Variants in FBXL7 observed in about 807,000 individuals in gnomAD.
FBXL7 encodes F-box/LRR-repeat protein 7.
A neutral mutation model predicts 38.3 loss-of-function variants in FBXL7; 12 were observed. That is an observed-to-expected ratio of 0.31 (90% CI 0.20 to 0.51). The LOEUF is 0.51. FBXL7 is among the 20% of genes least tolerant of loss of function. The pLI, the probability that FBXL7 is intolerant of heterozygous loss-of-function variation, is 0.98. For missense variants in FBXL7, 567 were observed against 676.4 expected, an observed-to-expected ratio of 0.84 and a Z score of 1.79; for synonymous variants, 297 against 300.9, an observed-to-expected ratio of 0.99 and a Z score of 0.13.
intron 2 of FBXL7, among the ~76,000 whole-genome samples, chr5:15,796,239 T>C (rs115242118): frequency 0.018 from 2,682 of 152,288 alleles, 73 homozygotes; most frequent in African/African-American, 0.06. Context: ...GAAAGACCCA[T>C]TGGACTCAGC....
intron 2 of FBXL7, among the ~76,000 whole-genome samples, chr5:15,826,917 G>A (rs544853218): frequency 8.0e-5 from 12 of 150,362 alleles, no homozygotes; most frequent in African/African-American, 2.7e-4. Flanking sequence ...GGCTGTACCT[G>A]TGGCTTTTTT....
intron 3 of FBXL7, among the ~76,000 whole-genome samples, chr5:15,935,646 G>T (rs541055234): frequency 3.6e-4 from 55 of 152,292 alleles, no homozygotes; most frequent in Non-Finnish European, 7.2e-4. Context: ...TTGTTCAAGG[G>T]CTACAGCAAC....
At chr5:15,660,394 TTG>T (rs1022442176) in intron 2 of FBXL7, among the ~76,000 whole-genome samples, 1 of 152,256 alleles carries the variant, frequency 6.6e-6, no homozygotes, top group Non-Finnish European at 1.5e-5. Context: ...TTCGCTCTTG[TTG>T]CCCAGGCTGG....
chr5:15,783,577 G>A (rs1737056054), intron 2 of FBXL7, among the ~76,000 whole-genome samples: 1 of 152,088 alleles, frequency 6.6e-6, no homozygotes, highest in African/African-American at 2.4e-5. Context: ...AGAATAGGAG[G>A]TCAGAAGGAG....
intron 2 of FBXL7, among the ~76,000 whole-genome samples, chr5:15,650,217 A>G (rs935770569): frequency 8.5e-5 from 13 of 152,250 alleles, no homozygotes; most frequent in African/African-American, 2.9e-4. Context: ...CCAGACCACC[A>G]CAATAAAGCA....
intron 2 of FBXL7, among the ~76,000 whole-genome samples, chr5:15,888,182 C>A (rs564296546): frequency 2.3e-4 from 35 of 151,838 alleles, no homozygotes; most frequent in African/African-American, 8.2e-4. Flanking sequence ...GTTATGATCC[C>A]TTTGTAAACA....
At chr5:15,887,921 C>G (rs1579572533) in intron 2 of FBXL7, among the ~76,000 whole-genome samples, 1 of 152,214 alleles carries the variant, frequency 6.6e-6, no homozygotes, top group Non-Finnish European at 1.5e-5. Context: ...CATGTTCTCT[C>G]TCTCAGCATA....
intron 1 of FBXL7, among the ~76,000 whole-genome samples, chr5:15,509,759 C>G (rs1391363524): frequency 6.6e-6 from 1 of 152,136 alleles, no homozygotes; most frequent in Non-Finnish European, 1.5e-5. Context: ...GAAGGTGATT[C>G]CTGTGGGTTC....
At chr5:15,829,220 T>C (rs548295046) in intron 2 of FBXL7, among the ~76,000 whole-genome samples, 1 of 152,328 alleles carries the variant, frequency 6.6e-6, no homozygotes, top group Admixed American at 6.5e-5. Flanking sequence ...AGTCTTCATT[T>C]TTATCCTTGT....
chr5:15,888,196 C>CTTTATTTATTTA (rs3034529), intron 2 of FBXL7, among the ~76,000 whole-genome samples: 48 of 145,398 alleles, frequency 3.3e-4, no homozygotes, highest in African/African-American at 7.7e-4. Context: ...GTAAACACCA[C>CTTTATTTATTTA]TTTATTTATT....
At chr5:15,790,688 C>T (rs974193845) in intron 2 of FBXL7, among the ~76,000 whole-genome samples, 4 of 152,116 alleles carry the variant, frequency 2.6e-5, no homozygotes, top group African/African-American at 9.7e-5. Flanking sequence ...CTGTAATGCA[C>T]CTGATGTTTA....
chr5:15,595,889 A>C (rs541204135), intron 1 of FBXL7, among the ~76,000 whole-genome samples: 1 of 152,288 alleles, frequency 6.6e-6, no homozygotes, highest in Admixed American at 6.5e-5. Flanking sequence ...TCCTTACCTT[A>C]GTTTCTTCAT....
chr5:15,804,112 T>C (rs1348683478), intron 2 of FBXL7, among the ~76,000 whole-genome samples: 3 of 152,214 alleles, frequency 2.0e-5, no homozygotes, highest in African/African-American at 7.2e-5. Flanking sequence ...TATTTGTTAA[T>C]TCCAGGATAT....
intron 2 of FBXL7, among the ~76,000 whole-genome samples, chr5:15,860,457 A>C (rs1215618326): frequency 6.6e-6 from 1 of 152,184 alleles, no homozygotes; most frequent in Non-Finnish European, 1.5e-5. Context: ...CCAATAAGGA[A>C]TTCTGATCCA....
Position 15,928,333 on chromosome 5 carries a change from G to GT in FBXL7, c.572dup (p.Thr192AsnfsTer41). 6.2e-7 allele frequency: 1 copy of GT among 1,613,912 alleles called. No homozygotes were observed. The highest frequency in any genetic ancestry group is 8.5e-7 in the Non-Finnish European group (1 of 1,179,826). On this transcript the variant is annotated frameshift_variant, in exon 3 of 4. Transcript: ENST00000504595. LOFTEE classifies it high-confidence loss of function. The surrounding 1 kb of genome is among the most constrained non-coding windows in gnomAD (Gnocchi z 4.0). ...CAACGTGTGTCTCATGCTGGAAACC[G>GT]TAACTGTCAGTGGCTGCAGGCGGCT...
At chr5:15,801,281 T>C (rs1042587597) in intron 2 of FBXL7, among the ~76,000 whole-genome samples, 6 of 152,158 alleles carry the variant, frequency 3.9e-5, no homozygotes, top group Non-Finnish European at 7.3e-5. Context: ...AAGGGATTCA[T>C]TGGGGCATTG....
intron 2 of FBXL7, among the ~76,000 whole-genome samples, chr5:15,739,598 T>C (rs1165156928): frequency 6.6e-6 from 1 of 152,334 alleles, no homozygotes; most frequent in African/African-American, 2.4e-5. Flanking sequence ...TTTTTGTCTC[T>C]GTAGATTTGC....
chr5:15,680,093 C>T (rs1742795136), intron 2 of FBXL7, among the ~76,000 whole-genome samples: 1 of 152,046 alleles, frequency 6.6e-6, no homozygotes, highest in South Asian at 2.1e-4. Context: ...AGTTTTTTTC[C>T]AGTCCTTTAC....
intron 2 of FBXL7, among the ~76,000 whole-genome samples, chr5:15,650,640 C>A (rs1055678841): frequency 2.0e-5 from 3 of 152,240 alleles, no homozygotes; most frequent in Non-Finnish European, 4.4e-5. Context: ...CTCTTGAACC[C>A]TGCCATGCTT....
Sources: gnomAD v4.1 joint callset for allele counts (sites outside exome capture counted in the v4.1 genomes callset) on GRCh38, gnomAD v4.1.1 for gene constraint, Gnocchi (gnomAD v3.1) non-coding constraint, MANE v1.5 for transcripts, NCBI Gene and HGNC (gene_info 2026-07-23, HGNC 2026-07-21) for gene names.